PMPCB: variants seen among roughly 807,000 people sequenced by gnomAD.
PMPCB encodes mitochondrial-processing peptidase subunit beta.
A neutral mutation model predicts 61.5 loss-of-function variants in PMPCB; 46 were observed. That is an observed-to-expected ratio of 0.75 (90% CI 0.59 to 0.96). The LOEUF (loss-of-function observed/expected upper bound fraction) is 0.96, where lower values mean the gene tolerates loss of function less well. Among genes scored for constraint, PMPCB ranks in the 40% least tolerant of loss-of-function variants. The pLI, the probability that PMPCB is intolerant of heterozygous loss-of-function variation, is 0.00. For missense variants in PMPCB, 590 were observed against 602.4 expected (o/e 0.98, Z 0.22); for synonymous variants, 191 against 201.6 (o/e 0.95, Z 0.44).
chr7:103,319,859 A>T (rs775643727), intron 12 of PMPCB: 1 of 1,613,226 alleles, frequency 6.2e-7, no homozygotes, highest in Non-Finnish European at 8.5e-7. Context: ...AAGCACAAAC[A>T]CAAAAATAGT....
chr7:103,315,219 A>C (rs867468519), downstream of PMPCB, among the ~76,000 whole-genome samples: 37 of 151,856 alleles, frequency 2.4e-4, no homozygotes, highest in African/African-American at 8.7e-4. Context: ...GAACCCTAAC[A>C]ATTTTTAACA....
downstream of PMPCB, chr7:103,319,563 G>C (rs1818266462): frequency 6.4e-7 from 1 of 1,574,224 alleles, no homozygotes; most frequent in Non-Finnish European, 8.7e-7. Flanking sequence ...GGTCAAAGCA[G>C]AATTAAATGC....
At position 103,304,435 on chromosome 7, in the gene PMPCB, G is replaced by A. The variant is rs1189206548; in HGVS notation, c.681G>A (p.Val227=). Residue 227 remains valine, a synonymous_variant, in exon 6 of 13, where the codon GTG becomes GTA. Transcript: ENST00000249269. The part of the protein sequence containing the change: ...NIKSISRKDL[V]DYITTHYKGP... ...GATCTATAAGTCGTAAGGACTTAGTGGATTATATAACCACACATTATAAGG... is the reference window on the plus strand; with the variant it reads ...GATCTATAAGTCGTAAGGACTTAGTAGATTATATAACCACACATTATAAGG... 1 of 1,601,826 alleles carries A rather than the reference G, an allele frequency of 6.2e-7. No individual in the cohort carries two copies. Among genetic ancestry groups the A allele is most frequent in the Non-Finnish European group, 8.6e-7 (1 of 1,169,006 alleles).
chr7:103,319,304 T>G (rs978690014), downstream of PMPCB, among the ~76,000 whole-genome samples: 10 of 151,966 alleles, frequency 6.6e-5, 1 homozygote, highest in Admixed American at 1.3e-4. Flanking sequence ...AGGTGTGGTG[T>G]TGTGCGCCTA....
At chr7:103,298,913 C>G (rs1308278309) in intron 2 of PMPCB, among the ~76,000 whole-genome samples, 1 of 152,110 alleles carries the variant, frequency 6.6e-6, no homozygotes. Flanking sequence ...TTGTCTGCAT[C>G]TTGTTCTTGT....
chr7:103,298,466 A>C, intron 1 of PMPCB, 102 bp from the exon 2 acceptor site: 1 of 1,160,254 alleles, frequency 8.6e-7, no homozygotes, highest in Non-Finnish European at 1.2e-6. Context: ...ATTCTTTTAT[A>C]GAGACAGCCT....
At chr7:103,340,237 T>C in the PMPCB span, among the ~76,000 whole-genome samples, 1 of 152,254 alleles carries the variant, frequency 6.6e-6, no homozygotes, top group African/African-American at 2.4e-5. Context: ...TTCTTTGTTT[T>C]CTTTCTACTT....
intron 12 of PMPCB, chr7:103,320,830 CT>C (rs745754898): frequency 0.097 from 11,049 of 113,672 alleles, 226 homozygotes; most frequent in African/African-American, 0.15. Flanking sequence ...CTCAGCATGT[CT>C]TTTTTTTTTT....
At chr7:103,308,011 A>G (rs1475777241) in intron 7 of PMPCB, among the ~76,000 whole-genome samples, 5 of 152,244 alleles carry the variant, frequency 3.3e-5, no homozygotes, top group African/African-American at 4.8e-5. Context: ...CTTTGGCACT[A>G]TGCCAATTTA....
chr7:103,315,655 C>G (rs1167002738), downstream of PMPCB: 6 of 654,542 alleles, frequency 9.2e-6, no homozygotes, highest in Non-Finnish European at 1.3e-5. Flanking sequence ...TTCCAGTCTG[C>G]TAAACATTTT....
At chr7:103,310,152 A>G (rs982432141) in intron 8 of PMPCB, among the ~76,000 whole-genome samples, 163 bp from the exon 9 acceptor site, 2 of 152,234 alleles carry the variant, frequency 1.3e-5, no homozygotes, top group African/African-American at 4.8e-5. Context: ...GATAATAAAC[A>G]CAATTCTTAG....
intron 6 of PMPCB, among the ~76,000 whole-genome samples, chr7:103,305,443 A>G (rs1817550460): frequency 6.6e-6 from 1 of 152,154 alleles, no homozygotes. Flanking sequence ...ATAGAAATAG[A>G]GATGGATTCT....
At chr7:103,322,462 AAAG>A (rs1454034316) in intron 12 of PMPCB, 2 of 1,392,494 alleles carry the variant, frequency 1.4e-6, no homozygotes, top group Admixed American at 5.2e-5. Flanking sequence ...AGTGAAGATT[AAAG>A]ATTTCATAAA....
intron 8 of PMPCB, 91 bp from the exon 9 acceptor site, chr7:103,310,224 G>T: frequency 1.1e-6 from 1 of 898,044 alleles, no homozygotes; most frequent in Non-Finnish European, 1.8e-6. Context: ...AGCCTCTAAG[G>T]ATATTCACTA....
At chr7:103,344,665 C>T in the PMPCB span, 2 of 1,597,670 alleles carry the variant, frequency 1.3e-6, no homozygotes, top group Non-Finnish European at 8.5e-7. Flanking sequence ...GGCTCACGTC[C>T]CGGGCGGAGG....
At position 103,304,041 on chromosome 7, in the gene PMPCB, G is replaced by A. The variant is rs1817516504; in HGVS notation, c.656+1G>A. ...TTTTGGGACCAACTGAAAATATCAAGTAGGTATAACAGAATTTCTTGGTGT... is the reference window on the plus strand; with the variant it reads ...TTTTGGGACCAACTGAAAATATCAAATAGGTATAACAGAATTTCTTGGTGT... On this transcript the variant is annotated splice_donor_variant, in intron 5 of 12. Transcript: ENST00000249269. LOFTEE classifies it high-confidence loss of function. The A allele has an allele frequency of 6.3e-7, 1 of 1,596,482 alleles. No homozygotes were observed. The highest frequency in any genetic ancestry group is 8.6e-7 in the Non-Finnish European group (1 of 1,164,478).
Position 103,297,572 on chromosome 7 carries a change from C to T in PMPCB, c.99+14C>T. 6.2e-7 allele frequency: 1 copy of T among 1,612,196 alleles called. No homozygotes were observed. Among genetic ancestry groups the T allele is most frequent in the Admixed American group, 1.7e-5 (1 of 59,882 alleles). ...GCTGCGGGACGGGTGAGCTTCCCTC[C>T]AGGCCGGTCCTGTCCTCGAGATCTC... On this transcript the variant is annotated intron_variant, in intron 1 of 12. Coordinates refer to ENST00000249269, the MANE Select transcript of PMPCB (RefSeq NM_004279.3).
In PMPCB at chr7:103,310,187, C is replaced by T. The variant is rs538920738; in HGVS notation, c.994-128C>T. 1.3e-4 allele frequency: 89 copies of T among 679,886 alleles called. 1 individual carries two copies. The South Asian group carries it at 1.5e-3, about 12-fold the overall frequency. 42.1% of individuals were successfully genotyped at this position (679,886 alleles called of 1,614,324 possible). ...GTCATACTGAATTTTAACTCTACTA[C>T]TGAGATGTTGAATAAAACTAGGAAA... On this transcript the variant is annotated intron_variant, in intron 8 of 12. Transcript: ENST00000249269.
At chr7:103,308,344 G>A (rs985616397) in intron 7 of PMPCB, among the ~76,000 whole-genome samples, 4 of 152,270 alleles carry the variant, frequency 2.6e-5, no homozygotes, top group African/African-American at 4.8e-5. Flanking sequence ...GATTGAGGCC[G>A]GGTGCGGTGG....
Sources: gnomAD v4.1 joint callset for allele counts (sites outside exome capture counted in the v4.1 genomes callset) on GRCh38, gnomAD v4.1.1 for gene constraint, MANE v1.5 for transcripts, NCBI Gene and HGNC (gene_info 2026-07-23, HGNC 2026-07-21) for gene names.